The following NALCN variants were observed in gnomAD, a reference collection of about 807,000 sequenced individuals.
NALCN encodes the protein sodium leak channel, non-selective, also known as sodium leak channel NALCN.
Under a neutral mutation model 225.3 loss-of-function variants are expected in NALCN, and 111 were observed. The observed-to-expected ratio is 0.49, with a 90% CI of 0.42 to 0.58. NALCN has a LOEUF of 0.58. Ranked by LOEUF, NALCN falls within the 20% of genes least tolerant of loss-of-function variation. NALCN has a pLI of 0.00. For synonymous variants in NALCN, 764 were observed against 769.0 expected, an observed-to-expected ratio of 0.99 and a Z score of 0.11; for missense variants, 1,378 against 2,202.4, an observed-to-expected ratio of 0.63 and a Z score of 7.49.
chr13:101,416,660 G>A (rs1448680063), upstream of NALCN, among the ~76,000 whole-genome samples: 1 of 152,242 alleles, frequency 6.6e-6, no homozygotes, highest in Admixed American at 6.5e-5. Flanking sequence ...AGGAGGCTGC[G>A]CCGCAGTTGG....
intron 10 of NALCN, among the ~76,000 whole-genome samples, chr13:101,283,606 G>C (rs2043240945): frequency 6.6e-6 from 1 of 152,120 alleles, no homozygotes; most frequent in African/African-American, 2.4e-5. Context: ...ATGAAACAAT[G>C]AATTTGCCCA....
chr13:101,346,264 C>T (rs530404548), intron 6 of NALCN, among the ~76,000 whole-genome samples: 2 of 151,848 alleles, frequency 1.3e-5, no homozygotes, highest in South Asian at 4.2e-4. Flanking sequence ...ATACTATCAC[C>T]ATTACGGTTT....
intron 7 of NALCN, among the ~76,000 whole-genome samples, chr13:101,340,394 T>A (rs2045520437): frequency 6.6e-6 from 1 of 152,178 alleles, no homozygotes; most frequent in African/African-American, 2.4e-5. Context: ...AGTGTGTGAG[T>A]GTGAAAATAT....
At chr13:101,161,246 C>A (rs1055943102) in intron 15 of NALCN, among the ~76,000 whole-genome samples, 2 of 152,204 alleles carry the variant, frequency 1.3e-5, no homozygotes, top group Non-Finnish European at 2.9e-5. Context: ...CCATCCTTCT[C>A]CCCTGAACTC....
Position 101,081,554 on chromosome 13 carries a change from T to A in NALCN, c.3858A>T (p.Val1286=). 1 of 1,614,096 alleles carries A rather than the reference T, an allele frequency of 6.2e-7. No homozygotes were observed. Among genetic ancestry groups the A allele is most frequent in the South Asian group, 1.1e-5 (1 of 91,084 alleles). Residue 1286 remains valine (V), a synonymous_variant, in exon 34 of 44, where the codon GTA becomes GTT. Coordinates refer to ENST00000251127, the MANE Select transcript of NALCN (RefSeq NM_052867.4). ...GGAGGGCAAAGTGAAGCACCACCCA[T>A]ACAACGCCAAGCGACGTCACCAGGA... The part of the protein sequence containing the change: ...YDLLVTSLGV[V]WVVLHFALLN...
At chr13:101,365,787 T>A (rs16958868) in intron 6 of NALCN, among the ~76,000 whole-genome samples, 7,694 of 152,262 alleles carry the variant, frequency 0.051, 234 homozygotes, top group Admixed American at 0.082. Flanking sequence ...GTGATCACCC[T>A]ACCTCTGGGC....
At chr13:101,112,657 G>A (rs1230177351) in intron 18 of NALCN, among the ~76,000 whole-genome samples, 4 of 152,184 alleles carry the variant, frequency 2.6e-5, no homozygotes, top group Non-Finnish European at 5.9e-5. Context: ...TTTATGATAT[G>A]CAAATCTAAT....
In NALCN at chr13:101,082,668, G is replaced by C. The variant is rs1394293886; in HGVS notation, c.3765+141C>G. 4.9e-6 allele frequency: 4 copies of C among 809,962 alleles called. No homozygotes were observed. The African/African-American group carries it at 6.8e-5, about 14-fold the overall frequency. 50.2% of individuals were successfully genotyped at this position (809,962 alleles called of 1,614,324 possible). On this transcript the variant is annotated intron_variant, in intron 33 of 43. Transcript: ENST00000251127. ...GTCTTTGTTCGAGTTAAGCAGAACC[G>C]CTTAAGTAGGAAATATCCTAAGGGC...
At chr13:101,149,295 A>G (rs1386707131) in intron 15 of NALCN, among the ~76,000 whole-genome samples, 2 of 10,784 alleles carry the variant, frequency 1.9e-4, no homozygotes, top group African/African-American at 5.8e-4. Flanking sequence ...TGTCTCAAAA[A>G]AAAAAAAAAA....
At chr13:101,107,656 C>G in intron 21 of NALCN, 42 bp downstream of exon 21, 1 of 1,613,942 alleles carries the variant, frequency 6.2e-7, no homozygotes, top group Non-Finnish European at 8.5e-7. Flanking sequence ...GAAATTTTGC[C>G]ATTCCCGAAT....
At chr13:101,396,643 T>C (rs574235236) in intron 2 of NALCN, among the ~76,000 whole-genome samples, 1 of 152,202 alleles carries the variant, frequency 6.6e-6, no homozygotes, top group African/African-American at 2.4e-5. Flanking sequence ...ACTTTAAAGG[T>C]TGATGTATTT....
At chr13:101,203,901 A>G (rs944880491) in intron 13 of NALCN, among the ~76,000 whole-genome samples, 1 of 152,176 alleles carries the variant, frequency 6.6e-6, no homozygotes, top group Non-Finnish European at 1.5e-5. Context: ...GGTGCTGTCA[A>G]CTCATCAGGG....
intron 15 of NALCN, among the ~76,000 whole-genome samples, chr13:101,167,152 A>G (rs1200468695): frequency 6.6e-6 from 1 of 152,218 alleles, no homozygotes; most frequent in African/African-American, 2.4e-5. Flanking sequence ...GAAGTATGAC[A>G]TCTTCAAGTT....
In NALCN at chr13:101,308,409, C is replaced by A. The variant is rs193007057; in HGVS notation, c.800-16043G>T. Among the ~76,000 whole-genome samples, 8 of 152,298 alleles carry A rather than the reference C, an allele frequency of 5.3e-5. 1 individual carries two copies. The highest frequency in any genetic ancestry group is 3.9e-4 in the Admixed American group (6 of 15,302). On this transcript the variant is annotated intron_variant, in intron 7 of 43. Transcript: ENST00000251127. ...CTTCCACCAGCTAGAAATAGAGAAG[C>A]CAAGGACAGACTTGGAGAGTAAGTG...
At chr13:101,184,861 CAGTTTTCTTTCTTTTT>C (rs921262253) in intron 14 of NALCN, among the ~76,000 whole-genome samples, 2 of 152,072 alleles carry the variant, frequency 1.3e-5, no homozygotes, top group Non-Finnish European at 2.9e-5. Context: ...TTTCCCTTTT[CAGTTTTCTTTCTTTTT>C]ATAAAGTTTA....
At chr13:101,347,176 G>T (rs75093247) in intron 6 of NALCN, among the ~76,000 whole-genome samples, 3,074 of 146,444 alleles carry the variant, frequency 0.021, 109 homozygotes, top group African/African-American at 0.073. Context: ...CCCCATGGCT[G>T]GTGATACTTT....
intron 37 of NALCN, among the ~76,000 whole-genome samples, chr13:101,070,992 A>G (rs896184974): frequency 2.0e-5 from 3 of 152,210 alleles, no homozygotes; most frequent in East Asian, 1.9e-4. Flanking sequence ...AAATGGGGGG[A>G]AAAACCTCTT....
chr13:101,158,605 C>T (rs1259821807), intron 15 of NALCN, among the ~76,000 whole-genome samples: 2 of 152,248 alleles, frequency 1.3e-5, no homozygotes, highest in Non-Finnish European at 1.5e-5. Flanking sequence ...GGCAGGTTCA[C>T]TCTACCCCCA....
chr13:101,163,202 CTA>C (rs35489402), intron 15 of NALCN, among the ~76,000 whole-genome samples: 1 of 150,836 alleles, frequency 6.6e-6, no homozygotes, highest in Non-Finnish European at 1.5e-5. Context: ...CATGCCTGGC[CTA>C]TATATATATA....
Sources: gnomAD v4.1 joint callset for allele counts (sites outside exome capture counted in the v4.1 genomes callset) on GRCh38, gnomAD v4.1.1 for gene constraint, MANE v1.5 for transcripts, NCBI Gene and HGNC (gene_info 2026-07-23, HGNC 2026-07-21) for gene names.